The following CDKN2B-AS1 variants were observed in gnomAD, a reference collection of about 807,000 sequenced individuals.
CDKN2B-AS1 encodes the protein CDKN2B antisense RNA 1 (non-protein coding).
chr9:22,090,962 C>G (rs1426909022), intron 4 of CDKN2B-AS1, among the ~76,000 whole-genome samples: 2 of 152,058 alleles, frequency 1.3e-5, no homozygotes, highest in African/African-American at 2.4e-5. Context: ...GGTTTTAGGT[C>G]TAACATTTAA....
chr9:22,090,224 T>C (rs1825028731), intron 4 of CDKN2B-AS1, among the ~76,000 whole-genome samples: 1 of 152,136 alleles, frequency 6.6e-6, no homozygotes, highest in South Asian at 2.1e-4. Context: ...ATCCACTCTA[T>C]CATTGTTGGA....
Position 22,089,450 on chromosome 9 carries a change from A to T in CDKN2B-AS1, n.438+33063A>T, listed in dbSNP as rs541130866. 9.2e-5 allele frequency among the ~76,000 whole-genome samples: 14 copies of T among 151,428 alleles called. No homozygotes were observed. The South Asian group carries it at 1.5e-3, about 16-fold the overall frequency. Reference sequence around the variant, plus strand: ...AAAAACTTACTAAACTTTTTTTTTTAAAAGGGTCTCACTCTGTCACCCAGG... The same window carrying T: ...AAAAACTTACTAAACTTTTTTTTTTTAAAGGGTCTCACTCTGTCACCCAGG... On this transcript the variant is annotated intron_variant and non_coding_transcript_variant, in intron 4 of 4. Transcript: ENST00000650946.
chr9:22,036,955 C>G (rs887982883), intron 1 of CDKN2B-AS1, among the ~76,000 whole-genome samples: 5 of 152,060 alleles, frequency 3.3e-5, no homozygotes, highest in African/African-American at 1.2e-4. Context: ...CTCTTCCACA[C>G]CCTGACATCA....
In CDKN2B-AS1 at chr9:22,095,410, G is replaced by A. The variant is rs951359307; in HGVS notation, n.439-31693G>A. ...CATGTAGGTGAGCGGTTTTGAGTGAGTTTCTTAATCTTGAGTTCTAGTTTG... is the reference window on the plus strand; with the variant it reads ...CATGTAGGTGAGCGGTTTTGAGTGAATTTCTTAATCTTGAGTTCTAGTTTG... On this transcript the variant is annotated intron_variant and non_coding_transcript_variant, in intron 4 of 4. Coordinates refer to ENST00000650946, the Ensembl canonical transcript of CDKN2B-AS1. 3.6e-4 allele frequency among the ~76,000 whole-genome samples: 52 copies of A among 144,860 alleles called. 2 individuals are homozygous for A. The highest frequency in any genetic ancestry group is 1.5e-3 in the African/African-American group (51 of 35,086).
At chr9:21,998,643 AGG>A (rs537582484) in intron 1 of CDKN2B-AS1, among the ~76,000 whole-genome samples, 117 of 152,320 alleles carry the variant, frequency 7.7e-4, no homozygotes, top group African/African-American at 2.6e-3. Flanking sequence ...TTTTTTTAAC[AGG>A]GGTAAATAAT....
At chr9:22,056,247 T>TTTTTTTTTTTTC (rs397743274) in intron 3 of CDKN2B-AS1, 28 of 132,652 alleles carry the variant, frequency 2.1e-4, no homozygotes, top group African/African-American at 6.2e-4. Context: ...TTTTTTTTTT[T>TTTTTTTTTTTTC]CCAGTAGAGA....
intron 4 of CDKN2B-AS1, among the ~76,000 whole-genome samples, chr9:22,105,606 T>G (rs1313199626): frequency 6.6e-6 from 1 of 152,218 alleles, no homozygotes; most frequent in Non-Finnish European, 1.5e-5. Flanking sequence ...AGGCAGATGC[T>G]ATATTGCCTT....
chr9:22,042,860 C>A (rs535660631), intron 1 of CDKN2B-AS1, among the ~76,000 whole-genome samples: 5 of 152,212 alleles, frequency 3.3e-5, no homozygotes, highest in South Asian at 2.1e-4. Flanking sequence ...TATACTTAAA[C>A]CCTTCTAATC....
intron 1 of CDKN2B-AS1, among the ~76,000 whole-genome samples, chr9:22,019,472 G>C (rs1197173751): frequency 6.6e-6 from 1 of 152,176 alleles, no homozygotes; most frequent in Non-Finnish European, 1.5e-5. Context: ...GAAGATGAGG[G>C]AAGGGAAGGT....
chr9:22,121,376 A>AG (rs1202358493), intron 4 of CDKN2B-AS1, among the ~76,000 whole-genome samples: 1 of 151,514 alleles, frequency 6.6e-6, no homozygotes. Flanking sequence ...AAACTAAAAA[A>AG]AAACTGTACA....
Position 22,051,165 on chromosome 9 carries a change from C to T in CDKN2B-AS1, n.302+1937C>T, listed in dbSNP as rs1457429355. 2.0e-5 allele frequency among the ~76,000 whole-genome samples: 3 copies of T among 152,170 alleles called. No homozygotes were observed. The East Asian group carries it at 5.8e-4, about 29-fold the overall frequency. On this transcript the variant is annotated intron_variant and non_coding_transcript_variant, in intron 3 of 4. Transcript: ENST00000650946. ...CTGGTTTGTGGGCTGTACATTTCAG[C>T]CTGCTCCTTTAAGGGGCCCCCTGAG...
chr9:22,057,256 G>A (rs543830235), intron 4 of CDKN2B-AS1, among the ~76,000 whole-genome samples: 2 of 151,934 alleles, frequency 1.3e-5, no homozygotes, highest in African/African-American at 2.4e-5. Context: ...TTATAATTTC[G>A]TTCCATCTTC....
intron 1 of CDKN2B-AS1, among the ~76,000 whole-genome samples, chr9:22,014,613 A>T (rs886441547): frequency 5.3e-5 from 8 of 152,014 alleles, no homozygotes; most frequent in Non-Finnish European, 1.2e-4. Context: ...TTCTTTTATT[A>T]TTATTATTAT....
chr9:22,029,058 T>TA (rs34059530), intron 1 of CDKN2B-AS1, among the ~76,000 whole-genome samples: 86,565 of 149,536 alleles, frequency 0.58, 25,808 homozygotes, highest in African/African-American at 0.71. Context: ...ATACAAAAAT[T>TA]AAAAAAAAAA....
chr9:22,120,250 C>T (rs1298755821), intron 4 of CDKN2B-AS1: 2 of 152,190 alleles, frequency 1.3e-5, no homozygotes, highest in Admixed American at 1.3e-4. Context: ...GCTATTGAGG[C>T]CTTTGCAGCT....
intron 4 of CDKN2B-AS1, among the ~76,000 whole-genome samples, chr9:22,088,129 T>G (rs1273381619): frequency 6.6e-6 from 1 of 152,164 alleles, no homozygotes; most frequent in Non-Finnish European, 1.5e-5. Flanking sequence ...CTGTTTCCCC[T>G]TGGAGGTGAC....
chr9:22,020,278 A>G (rs958119671), intron 1 of CDKN2B-AS1, among the ~76,000 whole-genome samples: 4 of 152,156 alleles, frequency 2.6e-5, no homozygotes, highest in Non-Finnish European at 5.9e-5. Context: ...TCTATCACTG[A>G]TGGGCATTTA....
Position 22,098,539 on chromosome 9 carries a change from G to A in CDKN2B-AS1, n.439-28564G>A, listed in dbSNP as rs373164167. Among the ~76,000 whole-genome samples, 7 of 152,044 alleles carry A rather than the reference G, an allele frequency of 4.6e-5. No individual in the cohort carries two copies. In the East Asian group the frequency reaches 1.3e-3, roughly 29 times the overall value. On this transcript the variant is annotated intron_variant and non_coding_transcript_variant, in intron 4 of 4. Transcript: ENST00000650946. ...ACTTGTAACCACATGTCAGTAGCAT[G>A]TTTGCTTTCAGGGTACATCAAATGC...
At chr9:22,002,504 A>G (rs1820969676) in intron 1 of CDKN2B-AS1, among the ~76,000 whole-genome samples, 1 of 152,026 alleles carries the variant, frequency 6.6e-6, no homozygotes, top group African/African-American at 2.4e-5. Flanking sequence ...TGACTATTAC[A>G]TATCAATGCA....
Sources: allele counts gnomAD v4.1 joint callset (sites outside exome capture counted in the v4.1 genomes callset), GRCh38; gene constraint gnomAD v4.1.1; transcripts MANE v1.5; gene names NCBI Gene and HGNC (gene_info 2026-07-23, HGNC 2026-07-21).